Variants in MACF1 observed in about 807,000 individuals in gnomAD.
The protein encoded by MACF1 is microtubule-actin cross-linking factor 1.
MACF1 carries 193 observed loss-of-function variants against 854.8 expected under a neutral mutation model. The ratio of observed to expected loss-of-function variants is 0.23; its 90% confidence interval spans 0.20 to 0.25. MACF1 has a LOEUF of 0.25. Ranked by LOEUF, MACF1 falls within the 10% of genes least tolerant of loss-of-function variation. MACF1 has a pLI of 1.00. For missense variants in MACF1, 7,722 were observed against 8,929.1 expected (o/e 0.86, Z 5.45); for synonymous variants, 3,185 against 3,226.7 (o/e 0.99, Z 0.44).
intron 2 of MACF1, among the ~76,000 whole-genome samples, chr1:39,153,248 A>G (rs1643619643): frequency 6.6e-6 from 1 of 152,138 alleles, no homozygotes; most frequent in African/African-American, 2.4e-5. Context: ...AATGCCTGGC[A>G]GTGAGGCTTT....
chr1:39,292,712 G>T, intron 16 of MACF1, 54 bp from the exon 17 acceptor site: 4 of 1,253,726 alleles, frequency 3.2e-6, no homozygotes, highest in Non-Finnish European at 4.6e-6. Context: ...ACCATAACAC[G>T]TAGTTTACTT....
chr1:39,387,440 T>G lies in MACF1; in HGVS notation c.14598T>G (p.Pro4866=). ...AATCTCTACTTCTTTCTGTACCTCC[T>G]GGAGAAGAGAAAAGGACTCTACAAA... ...EGESLLLSVP[P]GEEKRTLQNQ... Residue 4866 remains proline (P), a synonymous_variant, in exon 58 of 101, where the codon CCT becomes CCG. Coordinates refer to ENST00000564288, the MANE Select transcript of MACF1 (RefSeq NM_001394062.1). 1 of 1,614,140 alleles carries G rather than the reference T, an allele frequency of 6.2e-7. No individual in the cohort carries two copies. The highest frequency in any genetic ancestry group is 8.5e-7 in the Non-Finnish European group (1 of 1,180,034).
At chr1:39,251,733 A>C in intron 3 of MACF1, 113 bp from the exon 4 acceptor site, 1 of 503,402 alleles carries the variant, frequency 2.0e-6, no homozygotes, top group Non-Finnish European at 3.2e-6. Flanking sequence ...GTGGGAGGGT[A>C]TTTTCATATT....
At chr1:39,141,318 C>T (rs529932063) in intron 2 of MACF1, among the ~76,000 whole-genome samples, 1 of 152,244 alleles carries the variant, frequency 6.6e-6, no homozygotes, top group South Asian at 2.1e-4. Context: ...ATCCTCAGTT[C>T]TGATTCAGTA....
chr1:39,407,811 A>T (rs1268714452), intron 58 of MACF1, among the ~76,000 whole-genome samples: 1 of 152,208 alleles, frequency 6.6e-6, no homozygotes, highest in African/African-American at 2.4e-5. Context: ...GTTTTGCGGT[A>T]TATATTGACC....
intron 1 of MACF1, among the ~76,000 whole-genome samples, chr1:39,220,210 C>G (rs1254307542): frequency 6.6e-6 from 1 of 152,024 alleles, no homozygotes; most frequent in African/African-American, 2.4e-5. Flanking sequence ...GAGTCTTGCT[C>G]TATTGCCCAG....
intron 29 of MACF1, among the ~76,000 whole-genome samples, chr1:39,318,172 A>C (rs1360104705): frequency 1.3e-5 from 2 of 152,270 alleles, no homozygotes; most frequent in East Asian, 3.9e-4. Context: ...ATTCTTGGCA[A>C]CCTAGGTGAA....
At chr1:39,452,024 T>C in intron 85 of MACF1, 132 bp from the exon 86 acceptor site, 1 of 749,262 alleles carries the variant, frequency 1.3e-6, no homozygotes. Flanking sequence ...TTTTTTCTTA[T>C]GCATTGCTCT....
intron 2 of MACF1, among the ~76,000 whole-genome samples, chr1:39,236,559 C>G (rs1571208097): frequency 6.6e-6 from 1 of 152,186 alleles, no homozygotes; most frequent in Non-Finnish European, 1.5e-5. Context: ...CATGGTGTAT[C>G]TTTCAGCTAT....
intron 2 of MACF1, among the ~76,000 whole-genome samples, chr1:39,169,494 A>T (rs896342609): frequency 1.3e-5 from 2 of 151,486 alleles, no homozygotes; most frequent in Non-Finnish European, 2.9e-5. Flanking sequence ...AGTCCCAGCT[A>T]CTCAGGAGGA....
chr1:39,149,202 G>A (rs535856215), intron 2 of MACF1, among the ~76,000 whole-genome samples: 2 of 152,276 alleles, frequency 1.3e-5, no homozygotes, highest in South Asian at 4.2e-4. Flanking sequence ...AGAATGGGTT[G>A]GGTAAAGGGT....
At chr1:39,133,497 T>C (rs1388721625) in intron 2 of MACF1, among the ~76,000 whole-genome samples, 2 of 152,198 alleles carry the variant, frequency 1.3e-5, no homozygotes, top group Non-Finnish European at 2.9e-5. Context: ...TTTTCTTTTC[T>C]TCTCTTTTCT....
chr1:39,474,643 G>A (rs1000045158), intron 97 of MACF1, among the ~76,000 whole-genome samples: 2 of 152,114 alleles, frequency 1.3e-5, no homozygotes, highest in Admixed American at 6.6e-5. Context: ...GTGGTGAGCT[G>A]AGATTGTGCC....
intron 49 of MACF1, 150 bp downstream of exon 49, chr1:39,361,827 G>A (rs998282085): frequency 2.7e-6 from 2 of 750,326 alleles, no homozygotes; most frequent in Non-Finnish European, 4.4e-6. Flanking sequence ...CGTAAACTAG[G>A]TATCATTTGT....
intron 2 of MACF1, among the ~76,000 whole-genome samples, chr1:39,127,947 C>T (rs1395793305): frequency 6.6e-6 from 1 of 152,168 alleles, no homozygotes; most frequent in African/African-American, 2.4e-5. Flanking sequence ...AACATGTTCA[C>T]TGTAATACAT....
In MACF1 at chr1:39,333,945, A is replaced by G; in HGVS notation, c.7357A>G (p.Lys2453Glu). 6.2e-7 allele frequency: 1 copy of G among 1,614,220 alleles called. No individual in the cohort carries two copies. Among genetic ancestry groups the G allele is most frequent in the Middle Eastern group, 1.6e-4 (1 of 6,062 alleles). ...EKASKGRDAE[K>E]TVRERLISLQ... ...AGCTTCCAAAGGTAGAGATGCTGAA[A>G]AAACAGTTAGGGAGAGATTAATTAG... The change falls in exon 37 of 101, where the codon AAA (lysine) becomes GAA (glutamate). Residue 2453 changes from lysine to glutamate, a missense_variant. By Grantham distance (56) the Lys-to-Glu change is moderately conservative. Transcript: ENST00000564288.
At chr1:39,290,023 C>T (rs1645744108) in intron 15 of MACF1, among the ~76,000 whole-genome samples, 1 of 151,988 alleles carries the variant, frequency 6.6e-6, no homozygotes, top group Non-Finnish European at 1.5e-5. Flanking sequence ...TGTTGATTCA[C>T]TGTGCAGAAG....
Position 39,285,079 on chromosome 1 carries a change from T to C in MACF1, c.1132-4T>C. ...TTTTTGGACTGAAAGAGTATCTGTT[T>C]CAGGTGTGGATTGAATTTGGCCGAA... is the stretch of plus-strand genomic sequence containing the variant. On this transcript the variant is annotated splice_region_variant and splice_polypyrimidine_tract_variant and intron_variant, in intron 11 of 100. Transcript: ENST00000564288. 1 of 1,614,152 alleles carries C rather than the reference T, an allele frequency of 6.2e-7. No homozygotes were observed. The highest frequency in any genetic ancestry group is 8.5e-7 in the Non-Finnish European group (1 of 1,180,004).
Position 39,357,487 on chromosome 1 carries a change from T to C in MACF1, c.11537T>C (p.Met3846Thr), listed in dbSNP as rs142179968. ...AATCTCACACCTGAGGAGCAACAGATGCTGCAACAGAAGCTGGGAGAGCTA... is the reference window on the plus strand; with the variant it reads ...AATCTCACACCTGAGGAGCAACAGACGCTGCAACAGAAGCTGGGAGAGCTA... ...GHNLTPEEQQ[M>T]LQQKLGELKE... The change falls in exon 45 of 101, where the codon ATG (methionine) becomes ACG (threonine). Residue 3846 changes from methionine to threonine, a missense_variant. This residue lies in a region of MACF1 where 2,807 missense variants were observed against 3,235.8 expected (regional missense o/e 0.87). Coordinates refer to ENST00000564288, the MANE Select transcript of MACF1 (RefSeq NM_001394062.1). The C allele has an allele frequency of 2.3e-4, 379 of 1,614,144 alleles. No homozygotes were observed. The highest frequency in any genetic ancestry group is 4.6e-5 in the Non-Finnish European group (54 of 1,180,034).
Sources: allele counts gnomAD v4.1 joint callset (sites outside exome capture counted in the v4.1 genomes callset), GRCh38; gene constraint gnomAD v4.1.1; regional missense constraint gnomAD v4.1.1; transcripts MANE v1.5; gene names NCBI Gene and HGNC (gene_info 2026-07-23, HGNC 2026-07-21).